Variants in OXNAD1 observed in about 807,000 individuals in gnomAD.
The protein encoded by OXNAD1 is oxidoreductase NAD-binding domain-containing protein 1.
In OXNAD1, 34 loss-of-function variants were observed where a neutral mutation model predicts 32.9. The ratio of observed to expected loss-of-function variants is 1.03; its 90% CI spans 0.79 to 1.38. The LOEUF (loss-of-function observed/expected upper bound fraction) is 1.38. Among genes scored for constraint, OXNAD1 ranks in the 40% most tolerant of loss-of-function variants. The pLI is 0.00. For missense variants in OXNAD1, 407 were observed against 379.4 expected (o/e 1.07, Z -0.60); for synonymous variants, 134 against 135.2 (o/e 0.99, Z 0.06).
chr3:16,330,828 A>G (rs985352263), intron 9 of OXNAD1, among the ~76,000 whole-genome samples: 1 of 152,242 alleles, frequency 6.6e-6, no homozygotes, highest in African/African-American at 2.4e-5. Context: ...AGAGTTTACT[A>G]AGAAATATGT....
At chr3:16,323,155 G>T (rs1425871416) in intron 9 of OXNAD1, among the ~76,000 whole-genome samples, 1 of 152,134 alleles carries the variant, frequency 6.6e-6, no homozygotes, top group East Asian at 1.9e-4. Context: ...CATCCTTCTG[G>T]CCGGCCCAGC....
In OXNAD1 at chr3:16,265,589, G is replaced by A. The variant is rs1451419639; in HGVS notation, c.-159+84G>A. On this transcript the variant is annotated intron_variant, in intron 1 of 8. Coordinates refer to ENST00000285083, the MANE Select transcript of OXNAD1 (RefSeq NM_138381.5). The surrounding 1 kb of genome is among the most constrained non-coding windows in gnomAD (Gnocchi z 4.8). ...AAAGGACCAAGCCCTGGAAGGCAGG[G>A]ATTGAGTTCTAGTCTTCTGTTTGCC... The A allele has an allele frequency of 2.0e-5, 3 of 152,338 alleles. No individual in the cohort carries two copies. The highest frequency in any genetic ancestry group is 4.4e-5 in the Non-Finnish European group (3 of 68,184). 9.4% of individuals were successfully genotyped at this position (152,338 alleles called of 1,614,324 possible). A position where few individuals can be genotyped will look rare whatever the true frequency, so the allele number is the denominator to read the frequency against.
chr3:16,307,196 C>G (rs1163993570), downstream of OXNAD1, among the ~76,000 whole-genome samples: 3 of 152,204 alleles, frequency 2.0e-5, no homozygotes, highest in East Asian at 5.8e-4. Flanking sequence ...TTTAAAGTAT[C>G]ATTATGAACT....
At chr3:16,349,139 G>C (rs1478995255) in intron 9 of OXNAD1, 1 of 152,200 alleles carries the variant, frequency 6.6e-6, no homozygotes, top group East Asian at 1.9e-4. Flanking sequence ...AACACAAACT[G>C]TATAAACTAA....
intron 4 of OXNAD1, among the ~76,000 whole-genome samples, chr3:16,285,011 T>A (rs955164652): frequency 1.3e-5 from 2 of 151,968 alleles, no homozygotes; most frequent in African/African-American, 4.8e-5. Flanking sequence ...TCTGAGAGAG[T>A]AGGCAGGACT....
downstream of OXNAD1, among the ~76,000 whole-genome samples, chr3:16,310,604 C>T (rs1480968778): frequency 1.3e-5 from 2 of 152,158 alleles, no homozygotes; most frequent in Non-Finnish European, 2.9e-5. Context: ...TCTACTCTTT[C>T]TTCAAGACCC....
intron 9 of OXNAD1, among the ~76,000 whole-genome samples, chr3:16,330,060 T>C (rs961971747): frequency 4.6e-5 from 7 of 152,154 alleles, no homozygotes; most frequent in African/African-American, 1.7e-4. Flanking sequence ...CCCAAACATT[T>C]TTTCCCCCTC....
At chr3:16,266,123 T>C (rs1242157781) in intron 1 of OXNAD1, among the ~76,000 whole-genome samples, 1 of 152,196 alleles carries the variant, frequency 6.6e-6, no homozygotes, top group Non-Finnish European at 1.5e-5. Flanking sequence ...AGTTGTTGAT[T>C]ACCTCTGGCA....
rs1160080694 is a variant in OXNAD1, at chr3:16,346,605, G to T, written c.*31-2571G>T. On this transcript the variant is annotated intron_variant, in intron 9 of 9. Transcript: ENST00000606098. The surrounding 1 kb of genome is among the most constrained non-coding windows in gnomAD (Gnocchi z 4.4). Reference sequence around the variant, plus strand: ...CTTCTTCCTCACTGACACCCCCCAGGCCTGGACAACCATGACTCTTGACAA... The same window carrying T: ...CTTCTTCCTCACTGACACCCCCCAGTCCTGGACAACCATGACTCTTGACAA... Among the ~76,000 whole-genome samples the T allele has an allele frequency of 1.3e-5, 2 of 152,086 alleles. No homozygotes were observed. Among genetic ancestry groups the T allele is most frequent in the African/African-American group, 2.4e-5 (1 of 41,402 alleles).
chr3:16,273,384 G>GTTTTTTTTTTTT (rs34572763), intron 4 of OXNAD1, among the ~76,000 whole-genome samples: 1 of 121,032 alleles, frequency 8.3e-6, no homozygotes, highest in African/African-American at 3.2e-5. Flanking sequence ...GTATTTTCTT[G>GTTTTTTTTTTTT]TTTTTTTTTT....
At chr3:16,334,000 C>A (rs1228282166) in intron 9 of OXNAD1, among the ~76,000 whole-genome samples, 3 of 151,968 alleles carry the variant, frequency 2.0e-5, no homozygotes, top group African/African-American at 7.3e-5. Context: ...CCCGTCTCTA[C>A]TAAAAATTTA....
chr3:16,275,101 C>A, intron 4 of OXNAD1: 1 of 167,018 alleles, frequency 6.0e-6, no homozygotes, highest in Non-Finnish European at 1.4e-5. Context: ...TTTTTATCAT[C>A]TGACATTTTC....
chr3:16,338,141 G>C (rs759329979), downstream of OXNAD1, among the ~76,000 whole-genome samples: 1 of 152,202 alleles, frequency 6.6e-6, no homozygotes, highest in African/African-American at 2.4e-5. This position sits in a 1 kb window ranked among gnomAD's most constrained non-coding sequence, Gnocchi z 5.3. Flanking sequence ...TGGTACATGC[G>C]GTTTCTCTAA....
Position 16,345,915 on chromosome 3 carries a change from G to C in OXNAD1, c.*31-3261G>C, listed in dbSNP as rs549587769. 21 of 151,850 alleles carry C rather than the reference G, an allele frequency of 1.4e-4. No individual in the cohort carries two copies. The highest frequency in any genetic ancestry group is 4.8e-4 in the African/African-American group (20 of 41,382). The allele number at this position is 151,850 out of a possible 1,614,324, so 9.4% of individuals were successfully genotyped here. On this transcript the variant is annotated intron_variant, in intron 9 of 9. Transcript: ENST00000606098. This position sits in a 1 kb window ranked among gnomAD's most constrained non-coding sequence, Gnocchi z 5.2. Reference sequence around the variant, plus strand: ...GAGAACCCTAATACACTTCTTTCTTGTTGTTCTGTGGCATACACTGAATAT... The same window carrying C: ...GAGAACCCTAATACACTTCTTTCTTCTTGTTCTGTGGCATACACTGAATAT...
In OXNAD1 at chr3:16,271,811, CTGGTCCTTTTGAAGGAGA is replaced by C; in HGVS notation, c.183+90_183+107del. 8.7e-7 allele frequency: 1 copy of C among 1,147,490 alleles called. No individual in the cohort carries two copies. Among genetic ancestry groups the C allele is most frequent in the Non-Finnish European group, 1.2e-6 (1 of 805,064 alleles). 71.1% of individuals were successfully genotyped at this position (1,147,490 alleles called of 1,614,324 possible). A position where few individuals can be genotyped will look rare whatever the true frequency, so the allele number is the denominator to read the frequency against. ...CTTATGGGTAAAGCATTAGATGAGT[CTGGTCCTTTTGAAGGAGA>C]GTTGGGAAGTTTGTTATTTTTCTAT... On this transcript the variant is annotated intron_variant, in intron 4 of 8. Transcript: ENST00000285083. The surrounding 1 kb of genome is among the most constrained non-coding windows in gnomAD (Gnocchi z 4.6).
chr3:16,296,310 G>A (rs60576363), intron 6 of OXNAD1, among the ~76,000 whole-genome samples: 2,942 of 152,204 alleles, frequency 0.019, 86 homozygotes, highest in East Asian at 0.11. Flanking sequence ...TCAATCCCAT[G>A]AAAGAAATCA....
intron 5 of OXNAD1, among the ~76,000 whole-genome samples, chr3:16,294,415 G>A (rs1337651413): frequency 1.3e-5 from 2 of 152,070 alleles, no homozygotes; most frequent in Admixed American, 1.3e-4. Context: ...CACCCTGTTG[G>A]TCAGGTTGGT....
downstream of OXNAD1, chr3:16,306,216 A>G (rs147106858): frequency 5.9e-3 from 901 of 151,952 alleles, 7 homozygotes; most frequent in African/African-American, 0.021. Flanking sequence ...TTTTTCAAAC[A>G]TATGACAAAG....
Position 16,288,257 on chromosome 3 carries a change from A to G in OXNAD1, c.290+1809A>G. ...TACTTTGGAGAAGAGGGCAAGGATT[A>G]GGGATAGGAAGTGAGGATGTGGCTG... On this transcript the variant is annotated intron_variant, in intron 5 of 8. Transcript: ENST00000285083. This position sits in a 1 kb window ranked among gnomAD's most constrained non-coding sequence, Gnocchi z 5.1. Among the ~76,000 whole-genome samples, 1 of 152,164 alleles carries G rather than the reference A, an allele frequency of 6.6e-6. No individual in the cohort carries two copies. Among genetic ancestry groups the G allele is most frequent in the East Asian group, 1.9e-4 (1 of 5,196 alleles).
Sources: allele counts gnomAD v4.1 joint callset (sites outside exome capture counted in the v4.1 genomes callset), GRCh38; gene constraint gnomAD v4.1.1; non-coding constraint Gnocchi (gnomAD v3.1); transcripts MANE v1.5; gene names NCBI Gene and HGNC (gene_info 2026-07-23, HGNC 2026-07-21).